Variants in SGCZ observed in about 807,000 individuals in gnomAD.
SGCZ encodes zeta-sarcoglycan.
In SGCZ, 40 loss-of-function variants were observed where a neutral mutation model predicts 41.3. The observed-to-expected ratio is 0.97, with a 90% CI of 0.75 to 1.26. The LOEUF (loss-of-function observed/expected upper bound fraction) is 1.26, where lower values mean the gene tolerates loss of function less well. SGCZ is among the 50% of genes most tolerant of loss of function. The pLI, the probability that SGCZ is intolerant of heterozygous loss-of-function variation, is 0.00. For missense variants in SGCZ, 552 were observed against 369.8 expected, an observed-to-expected ratio of 1.49 and a Z score of -4.04; for synonymous variants, 206 against 137.5, an observed-to-expected ratio of 1.50 and a Z score of -3.49.
At chr8:14,580,959 C>G (rs755075960) in intron 1 of SGCZ, among the ~76,000 whole-genome samples, 1 of 152,162 alleles carries the variant, frequency 6.6e-6, no homozygotes. Flanking sequence ...TTGAAATTAA[C>G]GGCAATTTCA....
chr8:14,281,036 T>C (rs959591344), intron 3 of SGCZ, among the ~76,000 whole-genome samples: 1 of 151,938 alleles, frequency 6.6e-6, no homozygotes, highest in Admixed American at 6.6e-5. Flanking sequence ...ATCTATATAC[T>C]TCATCACAAC....
intron 3 of SGCZ, among the ~76,000 whole-genome samples, chr8:14,258,953 T>A (rs1799557904): frequency 6.6e-6 from 1 of 152,196 alleles, no homozygotes; most frequent in African/African-American, 2.4e-5. Flanking sequence ...AGCAGGTTTA[T>A]AACCTTAGAA....
At chr8:14,817,798 A>G (rs1203893481) in intron 1 of SGCZ, among the ~76,000 whole-genome samples, 1 of 152,136 alleles carries the variant, frequency 6.6e-6, no homozygotes, top group Non-Finnish European at 1.5e-5. Context: ...AACCTGGCAA[A>G]CCAGCACACA....
chr8:15,039,156 G>T (rs1447163683), intron 1 of SGCZ, among the ~76,000 whole-genome samples: 1 of 152,142 alleles, frequency 6.6e-6, no homozygotes, highest in South Asian at 2.1e-4. Flanking sequence ...AAATCAGTAA[G>T]TTAAAGAGTT....
chr8:14,213,181 G>A (rs925295899), intron 4 of SGCZ, among the ~76,000 whole-genome samples: 3 of 151,242 alleles, frequency 2.0e-5, no homozygotes, highest in African/African-American at 7.2e-5. Context: ...CCAACTTGTG[G>A]TAAGACATAA....
At chr8:14,151,065 T>A (rs576423945) in intron 5 of SGCZ, among the ~76,000 whole-genome samples, 2 of 152,092 alleles carry the variant, frequency 1.3e-5, no homozygotes, top group Non-Finnish European at 2.9e-5. Context: ...GAATGGTTAT[T>A]GAGTACAAAA....
chr8:14,834,110 AT>A (rs957153080), intron 1 of SGCZ, among the ~76,000 whole-genome samples: 55 of 151,702 alleles, frequency 3.6e-4, no homozygotes, highest in African/African-American at 1.2e-3. Context: ...AGGGCTTTAG[AT>A]TTTTTTTTCA....
chr8:14,689,693 T>G (rs1460124772), intron 1 of SGCZ, among the ~76,000 whole-genome samples: 1 of 152,188 alleles, frequency 6.6e-6, no homozygotes, highest in Non-Finnish European at 1.5e-5. Flanking sequence ...AGGGACTATC[T>G]ACAGCTGCAC....
intron 1 of SGCZ, among the ~76,000 whole-genome samples, chr8:15,070,036 C>G (rs1056777980): frequency 2.0e-5 from 3 of 152,070 alleles, no homozygotes; most frequent in Non-Finnish European, 2.9e-5. Flanking sequence ...GATTCCCTGC[C>G]TGATCAAAAT....
intron 1 of SGCZ, among the ~76,000 whole-genome samples, chr8:14,916,957 C>G (rs1799456723): frequency 6.6e-6 from 1 of 152,070 alleles, no homozygotes; most frequent in African/African-American, 2.4e-5. Flanking sequence ...CAGTCATACT[C>G]AAAGTCATCC....
intron 2 of SGCZ, among the ~76,000 whole-genome samples, chr8:14,385,418 A>G (rs1359243131): frequency 6.6e-6 from 1 of 152,216 alleles, no homozygotes; most frequent in Non-Finnish European, 1.5e-5. Flanking sequence ...ATTCTAGGGT[A>G]GTAGTGGAAA....
chr8:14,758,194 C>T (rs1169572029), intron 1 of SGCZ, among the ~76,000 whole-genome samples: 1 of 152,180 alleles, frequency 6.6e-6, no homozygotes, highest in African/African-American at 2.4e-5. Flanking sequence ...TATGCAATCT[C>T]ATCTGCCTGG....
At chr8:14,119,431 A>G (rs1361691683) in intron 5 of SGCZ, among the ~76,000 whole-genome samples, 2 of 152,064 alleles carry the variant, frequency 1.3e-5, no homozygotes, top group African/African-American at 4.8e-5. Context: ...GAGTTTCCTG[A>G]TTTTGCTTAT....
intron 4 of SGCZ, among the ~76,000 whole-genome samples, chr8:14,195,501 A>C (rs62492289): frequency 0.05 from 7,606 of 152,182 alleles, 268 homozygotes; most frequent in East Asian, 0.12. Context: ...TAATTGGAGA[A>C]ATGATGGGAT....
chr8:14,342,122 C>T lies in SGCZ; in HGVS notation c.235-17918G>A, dbSNP rs1585385408. ...CTTGTTGAATGGCTTTGCCCAAATGCTGATAGGGATATGAACAATAAGTTC... is the reference window on the plus strand; with the variant it reads ...CTTGTTGAATGGCTTTGCCCAAATGTTGATAGGGATATGAACAATAAGTTC... On this transcript the variant is annotated intron_variant, in intron 2 of 7. Coordinates refer to ENST00000382080, the MANE Select transcript of SGCZ (RefSeq NM_139167.4). 2.6e-5 allele frequency among the ~76,000 whole-genome samples: 4 copies of T among 152,180 alleles called. 1 individual carries two copies. The highest frequency in any genetic ancestry group is 2.6e-4 in the Admixed American group (4 of 15,282).
chr8:14,349,968 C>T (rs1416876100), intron 2 of SGCZ, among the ~76,000 whole-genome samples: 1 of 152,072 alleles, frequency 6.6e-6, no homozygotes, highest in East Asian at 1.9e-4. Context: ...CTAGCAATTT[C>T]CAAATTTACT....
At chr8:14,997,081 C>A (rs1361947662) in intron 1 of SGCZ, among the ~76,000 whole-genome samples, 4 of 152,132 alleles carry the variant, frequency 2.6e-5, no homozygotes, top group Admixed American at 2.6e-4. Context: ...GAATCAATTT[C>A]TCCTTAAATT....
chr8:14,193,815 A>C (rs1168898823), intron 4 of SGCZ, among the ~76,000 whole-genome samples: 1 of 151,922 alleles, frequency 6.6e-6, no homozygotes, highest in Non-Finnish European at 1.5e-5. Flanking sequence ...GCATAAAATT[A>C]TTCTGATATG....
At chr8:14,884,310 TATA>T (rs537804533) in intron 1 of SGCZ, among the ~76,000 whole-genome samples, 107 of 152,244 alleles carry the variant, frequency 7.0e-4, no homozygotes, top group African/African-American at 2.4e-3. Flanking sequence ...GGGCTGAGTA[TATA>T]ATAAGTTTTA....
Sources: allele counts gnomAD v4.1 joint callset (sites outside exome capture counted in the v4.1 genomes callset), GRCh38; gene constraint gnomAD v4.1.1; transcripts MANE v1.5; gene names NCBI Gene and HGNC (gene_info 2026-07-23, HGNC 2026-07-21).